PPM1M: variants seen among roughly 807,000 people sequenced by gnomAD.
The protein encoded by PPM1M is protein phosphatase 1M.
Under a neutral mutation model 50.8 loss-of-function variants are expected in PPM1M, and 44 were observed. The observed-to-expected ratio is 0.87, with a 90% CI of 0.68 to 1.11. The LOEUF (loss-of-function observed/expected upper bound fraction) is 1.11. Among genes scored for constraint, PPM1M ranks in the 50% most tolerant of loss-of-function variants. The probability of loss-of-function intolerance (pLI) is 0.00; values close to 1 mark genes in which losing one functional copy is unlikely to be tolerated. For missense variants in PPM1M, 556 were observed against 593.4 expected (o/e 0.94, Z 0.66); for synonymous variants, 224 against 242.9 (o/e 0.92, Z 0.72).
Position 52,245,902 on chromosome 3 carries a change from C to T in PPM1M, c.78C>T (p.Ala26=). 5.0e-6 allele frequency: 6 copies of T among 1,208,858 alleles called. No homozygotes were observed. The highest frequency in any genetic ancestry group is 1.6e-5 in the African/African-American group (1 of 60,648). 74.9% of individuals were successfully genotyped at this position (1,208,858 alleles called of 1,614,324 possible). ...CGCCGCGGCCGCCTGGGCCGCATGC[C>T]AGCCCCGTGCCCTACCGACGGCCCC... The part of the protein sequence containing the change: ...LPAPRPPGPH[A]SPVPYRRPRF... Residue 26 remains alanine, a synonymous_variant, in exon 1 of 10, where the codon GCC becomes GCT. Coordinates refer to ENST00000323588, the MANE Select transcript of PPM1M (RefSeq NM_144641.4). The surrounding 1 kb of genome is among the most constrained non-coding windows in gnomAD (Gnocchi z 4.8).
intron 4 of PPM1M, 53 bp from the exon 5 acceptor site, chr3:52,248,100 T>C: frequency 6.7e-7 from 1 of 1,485,802 alleles, no homozygotes; most frequent in East Asian, 2.4e-5. Flanking sequence ...AGGGTGGCCA[T>C]GGGTGAGGGT....
At chr3:52,247,618 T>C in intron 3 of PPM1M, 64 bp from the exon 4 acceptor site, 2 of 1,096,938 alleles carry the variant, frequency 1.8e-6, no homozygotes, top group Non-Finnish European at 2.7e-6. Context: ...AGGGTGGGGA[T>C]TGAGAGACAA....
In PPM1M at chr3:52,250,123, AG is replaced by A; in HGVS notation, c.*310del. ...TCAGACAGGATCTTGAACAGCCCAA[AG>A]TATCATTCTCAGATAGGGGCACCCA... is the stretch of plus-strand genomic sequence containing the variant. On this transcript the variant is annotated 3_prime_UTR_variant, in exon 10 of 10. Transcript: ENST00000323588. The A allele has an allele frequency of 3.3e-6, 1 of 300,146 alleles. No individual in the cohort carries two copies. Among genetic ancestry groups the A allele is most frequent in the East Asian group, 5.4e-5 (1 of 18,650 alleles). 18.6% of individuals were successfully genotyped at this position (300,146 alleles called of 1,614,324 possible).
Position 52,249,323 on chromosome 3 carries a change from G to T in PPM1M, c.1235+1G>T. On this transcript the variant is annotated splice_donor_variant, in intron 9 of 9. Coordinates refer to ENST00000323588, the MANE Select transcript of PPM1M (RefSeq NM_144641.4). LOFTEE classifies it high-confidence loss of function. The stretch of plus-strand genomic sequence containing the variant: ...CTGGGAACCAAGAGGACCCACACAG[G>T]TACTGTAGCTGCTGGGGACCTGCCT... 6.3e-7 allele frequency: 1 copy of T among 1,595,202 alleles called. No individual in the cohort carries two copies. Among genetic ancestry groups the T allele is most frequent in the South Asian group, 1.1e-5 (1 of 88,536 alleles).
At position 52,249,179 on chromosome 3, in the gene PPM1M, T is replaced by G. The variant is rs1343435508; in HGVS notation, c.1092T>G (p.Thr364=). 3 of 1,613,830 alleles carry G rather than the reference T, an allele frequency of 1.9e-6. No homozygotes were observed. The highest frequency in any genetic ancestry group is 3.3e-4 in the Middle Eastern group (2 of 6,084). Residue 364 remains threonine (T), a synonymous_variant, in exon 9 of 10, where the codon ACT becomes ACG. Coordinates refer to ENST00000323588, the MANE Select transcript of PPM1M (RefSeq NM_144641.4). ...KPFLLSVPQV[T]VLDVDQLELQ... ...TCCTCAGGCTTAATTTGTAGGTGACTGTGCTGGATGTGGACCAGCTGGAGC... is the reference window on the plus strand; with the variant it reads ...TCCTCAGGCTTAATTTGTAGGTGACGGTGCTGGATGTGGACCAGCTGGAGC...
intron 1 of PPM1M, 69 bp downstream of exon 1, chr3:52,246,117 A>G (rs1699852898): frequency 9.6e-7 from 1 of 1,036,294 alleles, no homozygotes; most frequent in African/African-American, 1.7e-5. Context: ...GCGCCCGCCT[A>G]GAAAGCGGGA....
At position 52,245,807 on chromosome 3, in the gene PPM1M, G is replaced by A; in HGVS notation, c.-18G>A. 9.9e-7 allele frequency: 1 copy of A among 1,012,554 alleles called. No individual in the cohort carries two copies. The highest frequency in any genetic ancestry group is 1.2e-6 in the Non-Finnish European group (1 of 849,396). The allele number at this position is 1,012,554 out of a possible 1,614,324, so 62.7% of individuals were successfully genotyped here. ...CCTAGCGCCCCGCGCTCCGCGGGCA[G>A]CCCCCTGCCGCCGCGCCATGTCCGC... On this transcript the variant is annotated 5_prime_UTR_variant, in exon 1 of 10. Coordinates refer to ENST00000323588, the MANE Select transcript of PPM1M (RefSeq NM_144641.4). This position sits in a 1 kb window ranked among gnomAD's most constrained non-coding sequence, Gnocchi z 4.8.
Position 52,246,790 on chromosome 3 carries a change from G to A in PPM1M, c.320G>A (p.Trp107Ter). Reference protein sequence around the residue: ...RRCEFGAEEEWLTLCPEEFLT... With the variant: ...RRCEFGAEEE ...TGTGAGTTTGGGGCTGAAGAAGAGT[G>A]GCTGACCCTGTGCCCAGAGGAGGTG... The change falls in exon 2 of 10, where the codon TGG becomes TAG. Residue 107 changes from tryptophan to a stop codon, truncating the protein, a stop_gained. Coordinates refer to ENST00000323588, the MANE Select transcript of PPM1M (RefSeq NM_144641.4). LOFTEE classifies it high-confidence loss of function. The A allele has an allele frequency of 7.2e-7, 1 of 1,381,090 alleles. No individual in the cohort carries two copies. The highest frequency in any genetic ancestry group is 9.6e-7 in the Non-Finnish European group (1 of 1,039,252). 85.6% of individuals were successfully genotyped at this position (1,381,090 alleles called of 1,614,324 possible).
chr3:52,248,295 TAAG>T (rs753661875), intron 5 of PPM1M, 37 bp from the exon 6 acceptor site: 65 of 1,604,080 alleles, frequency 4.1e-5, no homozygotes, highest in African/African-American at 1.2e-4. Context: ...TCCAGGGCCA[TAAG>T]AAGGAGTATG....
chr3:52,246,350 C>A, intron 1 of PPM1M: 1 of 1,046,170 alleles, frequency 9.6e-7, no homozygotes, highest in African/African-American at 1.7e-5. Context: ...GGAGATTTCC[C>A]CTCGCCCTCT....
At chr3:52,249,523 C>T in intron 9 of PPM1M, 147 bp from the exon 10 acceptor site, 4 of 1,307,432 alleles carry the variant, frequency 3.1e-6, no homozygotes, top group Non-Finnish European at 3.2e-6. Context: ...CAGCCCGTGG[C>T]CCTCCCAGAC....
At chr3:52,248,612 T>C (rs1699905958) in intron 6 of PPM1M, 25 bp from the exon 7 acceptor site, 6 of 1,613,344 alleles carry the variant, frequency 3.7e-6, no homozygotes, top group South Asian at 1.1e-5. Context: ...AGGGCTTGGG[T>C]TGATGCTGGC....
At chr3:52,246,224 T>G (rs753446273) in intron 1 of PPM1M, 176 bp downstream of exon 1, 21 of 1,009,938 alleles carry the variant, frequency 2.1e-5, no homozygotes, top group Non-Finnish European at 2.5e-5. Flanking sequence ...CCCAGCGTTT[T>G]CCTTGGGATT....
rs1169533902 is a variant in PPM1M at position 52,249,073 on chromosome 3, C to CAA, written c.1086+11_1086+12dup. ...GCTCTCTGTGCCACAGGTAAGGGGGCAACGCTGTCCAACCCAGCTTCCATC... is the reference window on the plus strand; with the variant it reads ...GCTCTCTGTGCCACAGGTAAGGGGGCAAAACGCTGTCCAACCCAGCTTCCATC... On this transcript the variant is annotated intron_variant, in intron 8 of 9. Coordinates refer to ENST00000323588, the MANE Select transcript of PPM1M (RefSeq NM_144641.4). The CAA allele has an allele frequency of 1.2e-6, 2 of 1,606,834 alleles. No homozygotes were observed. Among genetic ancestry groups the CAA allele is most frequent in the Non-Finnish European group, 1.7e-6 (2 of 1,176,332 alleles).
At chr3:52,249,378 A>G (rs191906241) in intron 9 of PPM1M, 56 bp downstream of exon 9, 1 of 1,549,756 alleles carries the variant, frequency 6.5e-7, no homozygotes, top group East Asian at 2.4e-5. Flanking sequence ...CAGCAAGCCC[A>G]AGTAGTTATG....
At chr3:52,248,103 G>C (rs771105089) in intron 4 of PPM1M, 50 bp from the exon 5 acceptor site, 1 of 1,511,436 alleles carries the variant, frequency 6.6e-7, no homozygotes, top group Non-Finnish European at 9.0e-7. Flanking sequence ...GTGGCCATGG[G>C]TGAGGGTGGA....
In PPM1M at chr3:52,248,142, C is replaced by T; in HGVS notation, c.711-11C>T. The stretch of plus-strand genomic sequence containing the variant: ...CTCCTCCTAGACCTCTCCCTTCTCT[C>T]CTCAATCCAGGGCCATCTTGGTGCG... On this transcript the variant is annotated splice_polypyrimidine_tract_variant and intron_variant, in intron 4 of 9. Transcript: ENST00000323588. 6.2e-7 allele frequency: 1 copy of T among 1,605,578 alleles called. No individual in the cohort carries two copies. The highest frequency in any genetic ancestry group is 1.1e-5 in the South Asian group (1 of 89,188).
chr3:52,248,139 T>C lies in PPM1M; in HGVS notation c.711-14T>C. 6.2e-7 allele frequency: 1 copy of C among 1,603,384 alleles called. No homozygotes were observed. The highest frequency in any genetic ancestry group is 1.3e-5 in the African/African-American group (1 of 74,766). On this transcript the variant is annotated splice_polypyrimidine_tract_variant and intron_variant, in intron 4 of 9. Transcript: ENST00000323588. ...GGCCTCCTCCTAGACCTCTCCCTTC[T>C]CTCCTCAATCCAGGGCCATCTTGGT...
intron 1 of PPM1M, 189 bp from the exon 2 acceptor site, chr3:52,246,506 T>G: frequency 1.9e-6 from 1 of 538,584 alleles, no homozygotes; most frequent in South Asian, 2.0e-5. Flanking sequence ...GGCCCTGACT[T>G]TTACCTTAGC....
Sources: allele counts gnomAD v4.1 joint callset, GRCh38; gene constraint gnomAD v4.1.1; non-coding constraint Gnocchi (gnomAD v3.1); transcripts MANE v1.5; gene names NCBI Gene and HGNC (gene_info 2026-07-23, HGNC 2026-07-21).